The following NTNG1 variants were observed in gnomAD, a reference collection of about 807,000 sequenced individuals.
NTNG1 encodes the protein netrin-G1.
NTNG1 carries 16 observed loss-of-function variants against 54.0 expected under a neutral mutation model. The ratio of observed to expected loss-of-function variants is 0.30; its 90% CI spans 0.20 to 0.45. The LOEUF is 0.45. Among genes scored for constraint, NTNG1 ranks in the 20% least tolerant of loss-of-function variants. The pLI is 1.00. For synonymous variants in NTNG1, 255 were observed against 263.1 expected (o/e 0.97, Z 0.30); for missense variants, 530 against 678.7 (o/e 0.78, Z 2.43).
At chr1:107,339,286 T>C (rs1222358254) in intron 3 of NTNG1, among the ~76,000 whole-genome samples, 2 of 152,052 alleles carry the variant, frequency 1.3e-5, no homozygotes, top group South Asian at 2.1e-4. Context: ...ACAGGGCTTC[T>C]TCTGTGTTCC....
intron 3 of NTNG1, among the ~76,000 whole-genome samples, chr1:107,382,932 G>A (rs7541782): frequency 6.6e-6 from 1 of 151,858 alleles, no homozygotes; most frequent in Non-Finnish European, 1.5e-5. Context: ...CTCAGAAAAG[G>A]GAGAATTAGA....
At chr1:107,341,988 G>C (rs1008295235) in intron 3 of NTNG1, among the ~76,000 whole-genome samples, 9 of 151,984 alleles carry the variant, frequency 5.9e-5, no homozygotes, top group Non-Finnish European at 1.0e-4. Context: ...GAGTGCATTA[G>C]AGTGGACAAT....
Position 107,215,832 on chromosome 1 carries a change from T to G in NTNG1, c.246+66993T>G, listed in dbSNP as rs540195109. Among the ~76,000 whole-genome samples the G allele has an allele frequency of 2.2e-3, 286 of 131,722 alleles. 1 individual carries two copies. Among genetic ancestry groups the G allele is most frequent in the Non-Finnish European group, 3.5e-3 (212 of 59,824 alleles). The allele number at this position is 131,722 out of a possible 152,430, so 86.4% of individuals were successfully genotyped here. On this transcript the variant is annotated intron_variant, in intron 2 of 7. Transcript: ENST00000370068. ...ATTTCTTTCAGCAGGGTTTTGTAGG[T>G]TTTTTTTTTGTAGAGGTCTTTTTAC... is the stretch of plus-strand genomic sequence containing the variant.
chr1:107,469,425 TCCA>T (rs1453635989), intron 7 of NTNG1, among the ~76,000 whole-genome samples: 1 of 152,140 alleles, frequency 6.6e-6, no homozygotes, highest in African/African-American at 2.4e-5. Flanking sequence ...TAGACAGACA[TCCA>T]CCATTCGGAA....
At chr1:107,187,041 G>A (rs1250050909) in intron 2 of NTNG1, among the ~76,000 whole-genome samples, 4 of 152,068 alleles carry the variant, frequency 2.6e-5, no homozygotes, top group African/African-American at 9.7e-5. Context: ...TTACACACTG[G>A]GCTTTCTGGC....
chr1:107,405,747 C>A (rs993524694), intron 4 of NTNG1, among the ~76,000 whole-genome samples: 1 of 152,060 alleles, frequency 6.6e-6, no homozygotes, highest in African/African-American at 2.4e-5. Flanking sequence ...TGATGGATTA[C>A]AACAGGCAAG....
chr1:107,233,539 T>C (rs895268870), intron 2 of NTNG1, among the ~76,000 whole-genome samples: 2 of 152,192 alleles, frequency 1.3e-5, no homozygotes, highest in Non-Finnish European at 2.9e-5. Context: ...ACGTCTTTTA[T>C]TGGAAGAGAA....
chr1:107,270,386 T>C (rs548259843), intron 2 of NTNG1, among the ~76,000 whole-genome samples: 1 of 152,350 alleles, frequency 6.6e-6, no homozygotes, highest in South Asian at 2.1e-4. Flanking sequence ...GCTTGTTCAT[T>C]TGGAATCTAA....
intron 3 of NTNG1, 41 bp downstream of exon 3, chr1:107,324,963 T>A (rs1208985272): frequency 6.5e-7 from 1 of 1,548,500 alleles, no homozygotes; most frequent in African/African-American, 1.4e-5. Context: ...AACGGGTGTG[T>A]CCAAAGAAAA....
intron 2 of NTNG1, among the ~76,000 whole-genome samples, chr1:107,173,644 A>G (rs1172013371): frequency 6.6e-6 from 1 of 152,032 alleles, no homozygotes; most frequent in Non-Finnish European, 1.5e-5. Context: ...GAGGTGTTTA[A>G]TAAGTTCTTA....
At chr1:107,472,488 C>T (rs1055238925) in intron 7 of NTNG1, among the ~76,000 whole-genome samples, 1 of 152,140 alleles carries the variant, frequency 6.6e-6, no homozygotes, top group Non-Finnish European at 1.5e-5. Context: ...TCTGGCTTAC[C>T]AAAATATGGC....
intron 3 of NTNG1, among the ~76,000 whole-genome samples, chr1:107,377,456 T>C (rs1671358289): frequency 6.6e-6 from 1 of 152,198 alleles, no homozygotes; most frequent in South Asian, 2.1e-4. Context: ...ACCCAGAGAA[T>C]GCAGCCAGAC....
chr1:107,480,566 T>C (rs772139848), intron 7 of NTNG1, 45 bp from the exon 8 acceptor site: 1 of 648,644 alleles, frequency 1.5e-6, no homozygotes, highest in Admixed American at 2.4e-5. Flanking sequence ...ATTCTGCTTC[T>C]CCTCCCCGCG....
chr1:107,349,144 G>A (rs1669440708), intron 3 of NTNG1, among the ~76,000 whole-genome samples: 1 of 151,992 alleles, frequency 6.6e-6, no homozygotes, highest in African/African-American at 2.4e-5. Context: ...ACCTCTTCAT[G>A]AGCTTCTAAT....
At chr1:107,151,360 T>C (rs1294432119) in intron 2 of NTNG1, among the ~76,000 whole-genome samples, 1 of 152,150 alleles carries the variant, frequency 6.6e-6, no homozygotes, top group Non-Finnish European at 1.5e-5. Flanking sequence ...AGGTACTCCT[T>C]AGCCCAGGGT....
At chr1:107,265,231 A>T (rs1229565139) in intron 2 of NTNG1, among the ~76,000 whole-genome samples, 2 of 152,180 alleles carry the variant, frequency 1.3e-5, no homozygotes, top group African/African-American at 2.4e-5. Context: ...CCAAATCAGT[A>T]GGAGGATAAG....
At chr1:107,398,595 C>T (rs1238985683) in intron 4 of NTNG1, among the ~76,000 whole-genome samples, 1 of 152,142 alleles carries the variant, frequency 6.6e-6, no homozygotes, top group Non-Finnish European at 1.5e-5. Flanking sequence ...CTTTTCATGA[C>T]AATAAACTTG....
At chr1:107,269,251 T>C (rs1663965932) in intron 2 of NTNG1, among the ~76,000 whole-genome samples, 1 of 152,214 alleles carries the variant, frequency 6.6e-6, no homozygotes, top group South Asian at 2.1e-4. Flanking sequence ...TTGCACTTGC[T>C]ATTCTCTCTG....
chr1:107,475,779 G>T (rs1364374478), intron 7 of NTNG1, among the ~76,000 whole-genome samples: 1 of 152,036 alleles, frequency 6.6e-6, no homozygotes, highest in African/African-American at 2.4e-5. Flanking sequence ...TTGTTGTGGG[G>T]GGTTGTTCTG....
Sources: allele counts gnomAD v4.1 joint callset (sites outside exome capture counted in the v4.1 genomes callset), GRCh38; gene constraint gnomAD v4.1.1; transcripts MANE v1.5; gene names NCBI Gene and HGNC (gene_info 2026-07-23, HGNC 2026-07-21).